KAZN: variants seen among roughly 807,000 people sequenced by gnomAD.
KAZN encodes kazrin.
KAZN carries 40 observed loss-of-function variants against 87.4 expected under a neutral mutation model. The observed-to-expected ratio is 0.46, with a 90% CI of 0.36 to 0.60. The LOEUF is 0.60. KAZN is among the 20% of genes least tolerant of loss of function. The probability of loss-of-function intolerance (pLI) is 0.00; values close to 1 mark genes in which losing one functional copy is unlikely to be tolerated. For synonymous variants in KAZN, 466 were observed against 458.3 expected (o/e 1.02, Z -0.22); for missense variants, 898 against 1,073.9 (o/e 0.84, Z 2.29).
chr1:14,843,018 T>C (rs1428991452), intron 1 of KAZN, among the ~76,000 whole-genome samples: 1 of 152,186 alleles, frequency 6.6e-6, no homozygotes, highest in Non-Finnish European at 1.5e-5. Flanking sequence ...TCTGTGATGG[T>C]GGATGAAACT....
intron 1 of KAZN, among the ~76,000 whole-genome samples, chr1:13,919,763 T>C (rs558879094): frequency 9.2e-5 from 14 of 152,330 alleles, no homozygotes; most frequent in African/African-American, 3.4e-4. Flanking sequence ...GTGGCTTGCC[T>C]TTTCACCCTC....
intron 1 of KAZN, among the ~76,000 whole-genome samples, chr1:14,681,525 G>A (rs964686663): frequency 6.8e-6 from 1 of 145,990 alleles, no homozygotes; most frequent in African/African-American, 2.6e-5. Flanking sequence ...CTTGAAAGTG[G>A]CATTTGCAGT....
intron 1 of KAZN, among the ~76,000 whole-genome samples, chr1:14,169,822 C>T (rs1645913968): frequency 6.6e-6 from 1 of 152,158 alleles, no homozygotes; most frequent in African/African-American, 2.4e-5. Flanking sequence ...ATGGCTTTGT[C>T]TCCATGTGAC....
chr1:13,893,283 G>A (rs1463224788), exon 1 of KAZN: 2 of 168,850 alleles, frequency 1.2e-5, no homozygotes, highest in African/African-American at 4.8e-5. Context: ...AGCTGCTCCC[G>A]GGGACCCTGC....
intron 14 of KAZN, 75 bp downstream of exon 14, chr1:15,112,616 T>A: frequency 2.6e-6 from 1 of 379,424 alleles, no homozygotes; most frequent in Non-Finnish European, 4.3e-6. Flanking sequence ...CCGGGAGCTC[T>A]GTGGCTCCTG....
At chr1:15,071,047 C>T (rs1482372799) in intron 8 of KAZN, among the ~76,000 whole-genome samples, 2 of 152,124 alleles carry the variant, frequency 1.3e-5, no homozygotes, top group Non-Finnish European at 2.9e-5. Flanking sequence ...GAACATGTAT[C>T]AGCTTATTCT....
chr1:14,862,565 G>A (rs1197129331), intron 1 of KAZN, among the ~76,000 whole-genome samples: 1 of 152,188 alleles, frequency 6.6e-6, no homozygotes, highest in Non-Finnish European at 1.5e-5. Flanking sequence ...CCTACTGACA[G>A]CAGCGAAAAT....
At chr1:14,594,462 C>A (rs541817774), upstream of KAZN, among the ~76,000 whole-genome samples, 3 of 152,268 alleles carry the variant, frequency 2.0e-5, no homozygotes, top group African/African-American at 7.2e-5. Context: ...AGGCTGGTGA[C>A]CACATATGAG....
chr1:14,731,873 AG>A (rs1643692744), intron 1 of KAZN, among the ~76,000 whole-genome samples: 2 of 152,226 alleles, frequency 1.3e-5, no homozygotes, highest in South Asian at 4.1e-4. Flanking sequence ...TAACCAAATG[AG>A]GGGGGTTGGG....
chr1:13,912,333 AT>A lies in KAZN; in HGVS notation c.91+18580del, dbSNP rs202228215. 1.6e-4 allele frequency among the ~76,000 whole-genome samples: 24 copies of A among 152,134 alleles called. No homozygotes were observed. The East Asian group carries it at 4.6e-3, about 29-fold the overall frequency. On this transcript the variant is annotated intron_variant, in intron 1 of 16. Coordinates refer to the KAZN transcript ENST00000636203. ...TTATCTGGCCTCTGCTGAGTTGGTG[AT>A]TTGTCCAATCTACTTGTGGGCACAC...
intron 1 of KAZN, among the ~76,000 whole-genome samples, chr1:14,140,757 G>T (rs189726676): frequency 6.6e-6 from 1 of 152,164 alleles, no homozygotes; most frequent in East Asian, 1.9e-4. Context: ...TCTCTGGAAG[G>T]TTTATGTGTC....
intron 3 of KAZN, among the ~76,000 whole-genome samples, chr1:15,035,302 C>T (rs914392975): frequency 1.3e-5 from 2 of 152,294 alleles, no homozygotes; most frequent in East Asian, 1.9e-4. Flanking sequence ...ATCAATAAGA[C>T]GCATAGCTAA....
chr1:14,576,627 G>T (rs1675203573), intron 2 of KAZN, among the ~76,000 whole-genome samples: 1 of 152,186 alleles, frequency 6.6e-6, no homozygotes. Context: ...AAAGCCATCT[G>T]GTCTTGGTTT....
chr1:14,291,464 G>A (rs903846933), intron 2 of KAZN, among the ~76,000 whole-genome samples: 1 of 152,318 alleles, frequency 6.6e-6, no homozygotes, highest in Non-Finnish European at 1.5e-5. Flanking sequence ...AGTGAGCAAG[G>A]CTCCATAGGC....
At chr1:13,965,669 C>G (rs1466261247) in intron 1 of KAZN, among the ~76,000 whole-genome samples, 1 of 152,162 alleles carries the variant, frequency 6.6e-6, no homozygotes, top group Non-Finnish European at 1.5e-5. Flanking sequence ...ATGCCCAATG[C>G]ACAGGTGAAT....
chr1:14,036,079 G>A (rs140862781), intron 1 of KAZN, among the ~76,000 whole-genome samples: 1 of 152,346 alleles, frequency 6.6e-6, no homozygotes, highest in African/African-American at 2.4e-5. Context: ...TAGGCAAACT[G>A]TGGAAGGCAG....
At chr1:14,088,089 G>A (rs1353860647) in intron 1 of KAZN, among the ~76,000 whole-genome samples, 1 of 150,674 alleles carries the variant, frequency 6.6e-6, no homozygotes, top group Non-Finnish European at 1.5e-5. Context: ...CGATTTGTTT[G>A]TGAGAAGGTT....
Position 13,989,128 on chromosome 1 carries a change from C to T in KAZN, c.91+95372C>T, listed in dbSNP as rs139899938. The stretch of plus-strand genomic sequence containing the variant: ...TGAACTCACCCTTTTGTAACAAACT[C>T]GCTTCTGTGATAACAACATTAATCC... On this transcript the variant is annotated intron_variant, in intron 1 of 16. Coordinates refer to the KAZN transcript ENST00000636203. Among the ~76,000 whole-genome samples the T allele has an allele frequency of 2.2e-4, 33 of 152,216 alleles. No homozygotes were observed. In the East Asian group the frequency reaches 6.2e-3, roughly 29 times the overall value.
At chr1:14,206,592 T>TA (rs1005682662) in intron 2 of KAZN, among the ~76,000 whole-genome samples, 4 of 151,792 alleles carry the variant, frequency 2.6e-5, no homozygotes, top group South Asian at 2.1e-4. Context: ...ACAAGTGTTT[T>TA]AAAAAAAATA....
Sources: gnomAD v4.1 joint callset for allele counts (sites outside exome capture counted in the v4.1 genomes callset) on GRCh38, gnomAD v4.1.1 for gene constraint, MANE v1.5 for transcripts, NCBI Gene and HGNC (gene_info 2026-07-23, HGNC 2026-07-21) for gene names.